Variants in TPR observed in about 807,000 individuals in gnomAD.
TPR encodes translocated promoter region, nuclear basket protein.
In TPR, 51 loss-of-function variants were observed where a neutral mutation model predicts 316.1. The observed-to-expected ratio is 0.16, with a 90% CI of 0.13 to 0.20. TPR has a LOEUF of 0.20. Ranked by LOEUF, TPR falls within the 10% of genes least tolerant of loss-of-function variation. The probability of loss-of-function intolerance (pLI) is 1.00; values close to 1 mark genes in which losing one functional copy is unlikely to be tolerated. For synonymous variants in TPR, 981 were observed against 914.7 expected, an observed-to-expected ratio of 1.07 and a Z score of -1.31; for missense variants, 2,272 against 2,754.8, an observed-to-expected ratio of 0.82 and a Z score of 3.92.
intron 47 of TPR, 43 bp from the exon 48 acceptor site, chr1:186,318,646 G>A: frequency 1.2e-6 from 2 of 1,603,580 alleles, no homozygotes; most frequent in Non-Finnish European, 1.7e-6. Context: ...AAAACTTTGT[G>A]GTTTATCACA....
intron 27 of TPR, 33 bp from the exon 28 acceptor site, chr1:186,341,422 T>C: frequency 1.3e-6 from 2 of 1,598,094 alleles, no homozygotes; most frequent in South Asian, 1.1e-5. Context: ...CATACCAACA[T>C]CTAACAATAG....
At position 186,330,430 on chromosome 1, in the gene TPR, T is replaced by G. The variant is rs1198659698; in HGVS notation, c.5688+1068A>C. Among the ~76,000 whole-genome samples the G allele has an allele frequency of 2.0e-5, 3 of 152,126 alleles. No homozygotes were observed. In the East Asian group the frequency reaches 5.8e-4, roughly 29 times the overall value. Reference sequence around the variant, plus strand: ...TAAAGAGGCTGCGCACAAACTGTCTTTGTGTCCTGTAGTTCACCTTTTGTT... The same window carrying G: ...TAAAGAGGCTGCGCACAAACTGTCTGTGTGTCCTGTAGTTCACCTTTTGTT... On this transcript the variant is annotated intron_variant, in intron 39 of 50. Transcript: ENST00000367478.
rs1170756423 is a variant in TPR at position 186,325,911 on chromosome 1, CG to C, written c.6022-58del. ...AATAAAATAAATATGTTAAAAAAAC[CG>C]GACAGAATAATTAACCAAACCAAAC... On this transcript the variant is annotated intron_variant, in intron 41 of 50. Coordinates refer to ENST00000367478, the MANE Select transcript of TPR (RefSeq NM_003292.3). 1.9e-6 allele frequency: 3 copies of C among 1,587,850 alleles called. No individual in the cohort carries two copies. In the African/African-American group the frequency reaches 4.1e-5, roughly 22 times the overall value.
rs138837938 is a variant in TPR, at chr1:186,349,907, G to A, written c.2776+316C>T. Among the ~76,000 whole-genome samples the A allele has an allele frequency of 2.6e-3, 396 of 152,078 alleles. 3 individuals carry two copies. The highest frequency in any genetic ancestry group is 8.6e-3 in the African/African-American group (358 of 41,486). On this transcript the variant is annotated intron_variant, in intron 21 of 50. Coordinates refer to ENST00000367478, the MANE Select transcript of TPR (RefSeq NM_003292.3). ...GCAACCTTATTTCCAAGGGGCCCGG[G>A]TTAAAAAATCAAATAACCCTCTTCA...
At chr1:186,332,986 C>T in intron 37 of TPR, 136 bp downstream of exon 37, 1 of 1,054,506 alleles carries the variant, frequency 9.5e-7, no homozygotes, top group Non-Finnish European at 1.3e-6. Context: ...CGTATTATAT[C>T]CAAGATATTA....
rs1339043365 is a variant in TPR at position 186,355,536 on chromosome 1, T to C, written c.2045A>G (p.Tyr682Cys). Residue 682 changes from tyrosine to cysteine, a missense_variant, in exon 17 of 51, where the codon TAC becomes TGC. Physicochemically the swap from Tyr to Cys is radical, Grantham distance 194. Transcript: ENST00000367478. ...LKQLQEIFENYKKEKAENEKI... is the reference protein window; with the variant it reads ...LKQLQEIFENCKKEKAENEKI... Reference sequence around the variant, plus strand: ...TTCATTTTCTGCTTTTTCTTTTTTGTAGTTCTCAAAAATTTCCTGCAACTA... The same window carrying C: ...TTCATTTTCTGCTTTTTCTTTTTTGCAGTTCTCAAAAATTTCCTGCAACTA... 2 of 1,611,866 alleles carry C rather than the reference T, an allele frequency of 1.2e-6. No homozygotes were observed. The highest frequency in any genetic ancestry group is 1.3e-5 in the African/African-American group (1 of 74,620).
At position 186,359,872 on chromosome 1, in the gene TPR, C is replaced by A. The variant is rs775336228; in HGVS notation, c.1316G>T (p.Arg439Leu). 6.2e-7 allele frequency: 1 copy of A among 1,604,568 alleles called. No homozygotes were observed. The highest frequency in any genetic ancestry group is 2.2e-5 in the East Asian group (1 of 44,652). The change falls in exon 12 of 51, where the codon CGC becomes CTC. Residue 439 changes from arginine to leucine, a missense_variant. This residue lies in a region of TPR where 549 missense variants were observed against 598.6 expected (regional missense o/e 0.92). Transcript: ENST00000367478. ...TGCACGTTCATATTCCTCACGCTGG[C>A]GTTTCAAAATTGGTGCTTTGGCTTC... ...EVEAKAPILK[R>L]QREEYERAQK...
intron 17 of TPR, 27 bp downstream of exon 17, chr1:186,355,379 CTTAA>C (rs756147787): frequency 1.3e-6 from 2 of 1,585,406 alleles, no homozygotes; most frequent in Admixed American, 1.8e-5. Flanking sequence ...AACATTTAGA[CTTAA>C]TTAATTTGAA....
intron 12 of TPR, 57 bp from the exon 13 acceptor site, chr1:186,358,707 T>A: frequency 7.1e-7 from 1 of 1,416,424 alleles, no homozygotes; most frequent in Non-Finnish European, 9.9e-7. Context: ...TTTATACAAG[T>A]AATAAAGACA....
Position 186,335,124 on chromosome 1 carries a change from A to T in TPR, c.4917T>A (p.Pro1639=), listed in dbSNP as rs1658299368. Residue 1639 remains proline, a synonymous_variant, in exon 35 of 51, where the codon CCT becomes CCA. Coordinates refer to ENST00000367478, the MANE Select transcript of TPR (RefSeq NM_003292.3). ...DEPQEPSNKV[P]EQQRQITLKT... ...TCAATGTGATCTGTCTCTGCTGTTC[A>T]GGGACCTATAAAGAGAAAGCTCTTG... 8.1e-6 allele frequency: 13 copies of T among 1,611,444 alleles called. No homozygotes were observed. Among genetic ancestry groups the T allele is most frequent in the Non-Finnish European group, 1.1e-5 (13 of 1,179,078 alleles).
Position 186,367,972 on chromosome 1 carries a change from G to A in TPR, c.341C>T (p.Thr114Ile), listed in dbSNP as rs181277824. 60 of 1,609,152 alleles carry A rather than the reference G, an allele frequency of 3.7e-5. No individual in the cohort carries two copies. The South Asian group carries it at 5.4e-4, about 14-fold the overall frequency. ...DRNIAIQSQFTRTKEELEAEK... is the reference protein window; with the variant it reads ...DRNIAIQSQFIRTKEELEAEK... The stretch of plus-strand genomic sequence containing the variant: ...AGCTTCTAATTCTTCCTTTGTTCTT[G>A]TAAATTGGCTCTGTCATATAAAGAA... The change falls in exon 4 of 51, where the codon ACA (threonine) becomes ATA (isoleucine). Residue 114 changes from threonine to isoleucine, a missense_variant. By Grantham distance (89) the Thr-to-Ile change is moderately conservative. Transcript: ENST00000367478.
chr1:186,336,757 T>C, intron 32 of TPR, 63 bp from the exon 33 acceptor site: 2 of 1,508,178 alleles, frequency 1.3e-6, no homozygotes, highest in South Asian at 1.2e-5. Context: ...CTGTATGTGG[T>C]AGCAACTTAA....
chr1:186,312,541 C>T lies in TPR; in HGVS notation c.*1430G>A, dbSNP rs1407906766. The T allele has an allele frequency of 3.7e-6, 3 of 814,590 alleles. No individual in the cohort carries two copies. In the African/African-American group the frequency reaches 5.2e-5, roughly 14 times the overall value. The allele number at this position is 814,590 out of a possible 1,614,324, so 50.5% of individuals were successfully genotyped here. A position where few individuals can be genotyped will look rare whatever the true frequency, so the allele number is the denominator to read the frequency against. ...CTTAGTGAATAACCAAAGACCAATA[C>T]TTTCTTTTTCCTTGTGGGTAAGTAA... is the stretch of plus-strand genomic sequence containing the variant. On this transcript the variant is annotated 3_prime_UTR_variant, in exon 51 of 51. Coordinates refer to ENST00000367478, the MANE Select transcript of TPR (RefSeq NM_003292.3).
intron 17 of TPR, 42 bp from the exon 18 acceptor site, chr1:186,353,892 T>A: frequency 6.3e-7 from 1 of 1,583,320 alleles, no homozygotes; most frequent in Non-Finnish European, 8.6e-7. Flanking sequence ...TGAAATGATA[T>A]CCTAGCTTAA....
chr1:186,318,793 G>C lies in TPR; in HGVS notation c.6604C>G (p.His2202Asp). Residue 2202 changes from histidine (H) to aspartate (D), a missense_variant, in exon 47 of 51, where the codon CAT becomes GAT. Physicochemically the swap from His to Asp is moderately conservative, Grantham distance 81. This residue lies in a region of TPR where 88 missense variants were observed against 176.2 expected (regional missense o/e 0.50). Coordinates refer to ENST00000367478, the MANE Select transcript of TPR (RefSeq NM_003292.3). Reference protein sequence around the residue: ...GMYETPLFLAHEEESGGRSVP... With the variant: ...GMYETPLFLADEEESGGRSVP... ...CTTCGGCCACCTGACTCTTCTTCAT[G>C]AGCTAGGAACAGGGGTGTTTCATAC... 6.2e-7 allele frequency: 1 copy of C among 1,614,096 alleles called. No homozygotes were observed. The highest frequency in any genetic ancestry group is 8.5e-7 in the Non-Finnish European group (1 of 1,180,024).
At chr1:186,361,920 T>C (rs944991257) in intron 7 of TPR, 51 bp from the exon 8 acceptor site, 7 of 1,552,914 alleles carry the variant, frequency 4.5e-6, no homozygotes, top group South Asian at 1.2e-5. Context: ...AAATTTAGAA[T>C]GCTTATCAAA....
At chr1:186,320,057 C>A (rs1481557452) in intron 46 of TPR, among the ~76,000 whole-genome samples, 1 of 152,038 alleles carries the variant, frequency 6.6e-6, no homozygotes, top group East Asian at 1.9e-4. Context: ...ACGTGTATGA[C>A]ATTACACCAG....
Position 186,320,376 on chromosome 1 carries a change from T to G in TPR, c.6504A>C (p.Pro2168=). Reference sequence around the variant, plus strand: ...AACTTGTTTGTGGCATATCTTCAGGTGGCCCAAACCGGAATCTAGGGACAC... The same window carrying G: ...AACTTGTTTGTGGCATATCTTCAGGGGGCCCAAACCGGAATCTAGGGACAC... ...VAGVPRFRFG[P]PEDMPQTSSS... Residue 2168 remains proline (P), a synonymous_variant, in exon 46 of 51, where the codon CCA becomes CCC. Transcript: ENST00000367478. The G allele has an allele frequency of 6.2e-7, 1 of 1,613,128 alleles. No individual in the cohort carries two copies. Among genetic ancestry groups the G allele is most frequent in the Non-Finnish European group, 8.5e-7 (1 of 1,179,420 alleles).
rs1657477672 is a variant in TPR at position 186,314,020 on chromosome 1, C to T, written c.7043G>A (p.Ser2348Asn). The T allele has an allele frequency of 1.2e-6, 2 of 1,610,760 alleles. No homozygotes were observed. The highest frequency in any genetic ancestry group is 1.7e-6 in the Non-Finnish European group (2 of 1,179,172). ...TCCTCCTCTCCCTCCCATTGCATGG[C>T]TCACACCTGTAAAAGAAAAAAGAAT... ...GRQFNRQRGV[S>N]HAMGGRGGIN... is the part of the protein sequence containing the mutation. The change falls in exon 51 of 51, where the codon AGC becomes AAC. Residue 2348 changes from serine (S) to asparagine (N), a missense_variant. By Grantham distance (46) the Ser-to-Asn change is conservative. Transcript: ENST00000367478.
Sources: allele counts gnomAD v4.1 joint callset (sites outside exome capture counted in the v4.1 genomes callset), GRCh38; gene constraint gnomAD v4.1.1; regional missense constraint gnomAD v4.1.1; transcripts MANE v1.5; gene names NCBI Gene and HGNC (gene_info 2026-07-23, HGNC 2026-07-21).